HADHA: variants seen among roughly 807,000 people sequenced by gnomAD.
HADHA encodes the protein hydroxyacyl-CoA dehydrogenase trifunctional multienzyme complex subunit alpha.
In HADHA, 59 loss-of-function variants were observed where a neutral mutation model predicts 91.3. That is an observed-to-expected ratio of 0.65 (90% CI 0.52 to 0.80). HADHA has a LOEUF of 0.80. Ranked by LOEUF, HADHA falls within the 30% of genes least tolerant of loss-of-function variation. The pLI is 0.00. For missense variants in HADHA, 800 were observed against 927.6 expected (o/e 0.86, Z 1.79); for synonymous variants, 320 against 338.9 (o/e 0.94, Z 0.61).
chr2:26,244,169 G>A (rs994302511), intron 1 of HADHA, among the ~76,000 whole-genome samples: 20 of 152,376 alleles, frequency 1.3e-4, no homozygotes, highest in African/African-American at 4.8e-4. Context: ...GTGCTGTGGA[G>A]CCACAAAGAT....
intron 7 of HADHA, among the ~76,000 whole-genome samples, chr2:26,220,036 G>C (rs1016749490): frequency 6.6e-6 from 1 of 152,096 alleles, no homozygotes; most frequent in Non-Finnish European, 1.5e-5. Context: ...TTCCCCAAAG[G>C]GACCTATGGC....
At chr2:26,217,747 T>C (rs1286013504) in intron 7 of HADHA, among the ~76,000 whole-genome samples, 2 of 151,176 alleles carry the variant, frequency 1.3e-5, no homozygotes, top group Non-Finnish European at 3.0e-5. Flanking sequence ...CAAAAAGAAT[T>C]TTTTTTTTAA....
intron 4 of HADHA, 140 bp downstream of exon 4, chr2:26,236,715 T>G: frequency 1.5e-6 from 1 of 688,054 alleles, no homozygotes; most frequent in South Asian, 1.8e-5. Flanking sequence ...ACACCCAGCC[T>G]GATACGTACA....
intron 4 of HADHA, among the ~76,000 whole-genome samples, chr2:26,236,166 C>T (rs1670746529): frequency 1.3e-5 from 2 of 151,914 alleles, no homozygotes; most frequent in Non-Finnish European, 2.9e-5. Flanking sequence ...TAGTTAATTC[C>T]TTTTACCTGT....
chr2:26,210,557 G>T lies in HADHA; in HGVS notation c.976-668C>A. 1 of 153,128 alleles carries T rather than the reference G, an allele frequency of 6.5e-6. No individual in the cohort carries two copies. The highest frequency in any genetic ancestry group is 1.5e-5 in the Non-Finnish European group (1 of 68,638). 9.5% of individuals were successfully genotyped at this position (153,128 alleles called of 1,614,324 possible). A position where few individuals can be genotyped will look rare whatever the true frequency, so the allele number is the denominator to read the frequency against. On this transcript the variant is annotated intron_variant, in intron 10 of 19. Transcript: ENST00000380649. The surrounding 1 kb of genome is among the most constrained non-coding windows in gnomAD (Gnocchi z 4.0). ...GATGGGGTTTCACCGTGTTAGCCAG[G>T]ATGGTCTCGATCTCCTGACCTCGTG...
chr2:26,214,525 C>T lies in HADHA; in HGVS notation c.836G>A (p.Arg279Lys). The change falls in exon 9 of 20, where the codon AGG (arginine) becomes AAG (lysine). Residue 279 changes from arginine (R) to lysine (K), a missense_variant. By Grantham distance (26) the Arg-to-Lys change is conservative. Coordinates refer to ENST00000380649, the MANE Select transcript of HADHA (RefSeq NM_000182.5). The surrounding 1 kb of genome is among the most constrained non-coding windows in gnomAD (Gnocchi z 4.1). ...TAYAMTIPFV[R>K]QQVYKKVEEK... is the part of the protein sequence containing the mutation. ...TTCCACTTTTTTGTAAACCTGTTGCCTGACAAATGGAATAGTCATGGCATA... is the reference window on the plus strand; with the variant it reads ...TTCCACTTTTTTGTAAACCTGTTGCTTGACAAATGGAATAGTCATGGCATA... 6.2e-7 allele frequency: 1 copy of T among 1,607,344 alleles called. No individual in the cohort carries two copies.
chr2:26,197,429 T>G (rs1669705698), intron 14 of HADHA, among the ~76,000 whole-genome samples: 1 of 152,206 alleles, frequency 6.6e-6, no homozygotes, highest in Admixed American at 6.5e-5. Context: ...AATGCCTAAT[T>G]CTAGGATACA....
intron 7 of HADHA, 89 bp from the exon 8 acceptor site, chr2:26,215,264 C>T: frequency 8.6e-7 from 1 of 1,165,560 alleles, no homozygotes; most frequent in Non-Finnish European, 1.3e-6. Flanking sequence ...AGCCAAAGGC[C>T]CTAGCACAGC....
chr2:26,218,258 C>T (rs1670285255), intron 7 of HADHA, among the ~76,000 whole-genome samples: 2 of 151,312 alleles, frequency 1.3e-5, no homozygotes, highest in Admixed American at 6.6e-5. Context: ...TGAGATTGTG[C>T]CACTGCACTC....
intron 7 of HADHA, 71 bp downstream of exon 7, chr2:26,230,119 GGC>G (rs1558328473): frequency 2.1e-6 from 2 of 942,764 alleles, no homozygotes; most frequent in Non-Finnish European, 3.5e-6. Context: ...CACCGTGCCT[GGC>G]CTAAGAGGTT....
At chr2:26,226,948 T>C (rs970499670) in intron 7 of HADHA, among the ~76,000 whole-genome samples, 7 of 152,178 alleles carry the variant, frequency 4.6e-5, no homozygotes, top group Non-Finnish European at 7.3e-5. Context: ...AAAGAGAAAC[T>C]TGATAAACCA....
chr2:26,228,458 T>C (rs1433564360), intron 7 of HADHA, among the ~76,000 whole-genome samples: 1 of 152,128 alleles, frequency 6.6e-6, no homozygotes, highest in Non-Finnish European at 1.5e-5. Context: ...TAAAGATGAA[T>C]GTTCATAGCA....
intron 9 of HADHA, among the ~76,000 whole-genome samples, chr2:26,213,495 C>G (rs1237778005): frequency 6.6e-6 from 1 of 152,212 alleles, no homozygotes; most frequent in Admixed American, 6.5e-5. Context: ...CCCACAAATA[C>G]TGGTCTCACT....
intron 12 of HADHA, 99 bp from the exon 13 acceptor site, chr2:26,201,419 G>C: frequency 1.3e-6 from 1 of 796,314 alleles, no homozygotes; most frequent in South Asian, 1.5e-5. Context: ...CACCAACTCT[G>C]TGAGGTAGTT....
intron 14 of HADHA, among the ~76,000 whole-genome samples, chr2:26,195,565 G>A (rs557067674): frequency 2.8e-5 from 4 of 140,678 alleles, no homozygotes; most frequent in African/African-American, 7.8e-5. Context: ...TAATGATACT[G>A]ATGGTTTAGA....
At position 26,230,063 on chromosome 2, in the gene HADHA, TCTTCC is replaced by T. The variant is rs1297950410; in HGVS notation, c.676+124_676+128del. The T allele has an allele frequency of 4.4e-6, 3 of 677,480 alleles. No individual in the cohort carries two copies. The African/African-American group carries it at 5.3e-5, about 12-fold the overall frequency. 42.0% of individuals were successfully genotyped at this position (677,480 alleles called of 1,614,324 possible). A position where few individuals can be genotyped will look rare whatever the true frequency, so the allele number is the denominator to read the frequency against. On this transcript the variant is annotated intron_variant, in intron 7 of 19. Coordinates refer to ENST00000380649, the MANE Select transcript of HADHA (RefSeq NM_000182.5). ...GTCTCAAACTCCTGACCTCAAGTGA[TCTTCC>T]CGCCTCAGCCTCCCAAAGTGCTGGG...
chr2:26,244,464 C>T (rs1671024248), intron 1 of HADHA, 66 bp downstream of exon 1: 4 of 1,506,366 alleles, frequency 2.7e-6, no homozygotes, highest in Non-Finnish European at 3.6e-6. Context: ...GACGCGGCTC[C>T]GGGGCCACCC....
rs779069752 is a variant in HADHA at position 26,201,149 on chromosome 2, C to G, written c.1392G>C (p.Ala464=). ...LKHRVLKEVE[A]VIPDHCIFAS... is the part of the protein sequence containing the mutation. ...TCAAGTACAACAGCCCCTTGCTTAC[C>G]GCTTCTACTTCCTTTAGCACTCTGT... The change falls in exon 13 of 20, where the codon GCG becomes GCC. Residue 464 remains alanine, a splice_region_variant and synonymous_variant. Coordinates refer to ENST00000380649, the MANE Select transcript of HADHA (RefSeq NM_000182.5). The G allele has an allele frequency of 1.9e-6, 3 of 1,609,172 alleles. No homozygotes were observed. In the African/African-American group the frequency reaches 4.0e-5, roughly 22 times the overall value.
intron 13 of HADHA, among the ~76,000 whole-genome samples, chr2:26,200,512 C>A (rs1280494437): frequency 6.6e-6 from 1 of 152,154 alleles, no homozygotes; most frequent in African/African-American, 2.4e-5. Flanking sequence ...TCCTTTGCAG[C>A]CTTAGACCTG....
Sources: allele counts gnomAD v4.1 joint callset (sites outside exome capture counted in the v4.1 genomes callset), GRCh38; gene constraint gnomAD v4.1.1; non-coding constraint Gnocchi (gnomAD v3.1); transcripts MANE v1.5; gene names NCBI Gene and HGNC (gene_info 2026-07-23, HGNC 2026-07-21).